The following NRXN1 variants were observed in gnomAD, a reference collection of about 807,000 sequenced individuals.
NRXN1 encodes the protein neurexin-1.
Under a neutral mutation model 150.9 loss-of-function variants are expected in NRXN1, and 39 were observed. The observed-to-expected ratio is 0.26, with a 90% CI of 0.20 to 0.34. The LOEUF (loss-of-function observed/expected upper bound fraction) is 0.34, where lower values mean the gene tolerates loss of function less well. NRXN1 is among the 10% of genes least tolerant of loss of function. The pLI is 1.00. For synonymous variants in NRXN1, 924 were observed against 757.0 expected (o/e 1.22, Z -3.62); for missense variants, 1,815 against 1,949.9 (o/e 0.93, Z 1.30).
At chr2:50,473,363 A>C (rs1395892531) in intron 15 of NRXN1, among the ~76,000 whole-genome samples, 3 of 151,970 alleles carry the variant, frequency 2.0e-5, no homozygotes, top group African/African-American at 4.8e-5. Flanking sequence ...TTACTTAAAA[A>C]AAAAAAGAGA....
chr2:49,925,594 ATAAT>A (rs1260304884), intron 22 of NRXN1, among the ~76,000 whole-genome samples: 7 of 152,202 alleles, frequency 4.6e-5, no homozygotes, highest in Non-Finnish European at 7.3e-5. Flanking sequence ...AAAGAGAAAC[ATAAT>A]TAATTTGTAT....
At chr2:50,028,351 A>G (rs1392571110) in intron 21 of NRXN1, among the ~76,000 whole-genome samples, 1 of 152,214 alleles carries the variant, frequency 6.6e-6, no homozygotes, top group Non-Finnish European at 1.5e-5. Flanking sequence ...ACATCAAGGC[A>G]TTTTAAAACA....
At chr2:50,052,743 T>G (rs1367616023) in intron 21 of NRXN1, among the ~76,000 whole-genome samples, 1 of 152,154 alleles carries the variant, frequency 6.6e-6, no homozygotes, top group African/African-American at 2.4e-5. Context: ...TGTTTTTTTA[T>G]TTTTAAATAA....
intron 9 of NRXN1, chr2:50,548,230 G>T (rs991793652): frequency 6.6e-6 from 1 of 152,100 alleles, no homozygotes; most frequent in Admixed American, 6.6e-5. Context: ...TCTGCAAAAT[G>T]ATATAGGGAC....
At chr2:50,445,657 C>G (rs1211147591) in intron 17 of NRXN1, among the ~76,000 whole-genome samples, 3 of 152,320 alleles carry the variant, frequency 2.0e-5, no homozygotes, top group Non-Finnish European at 1.5e-5. Flanking sequence ...TCCCTATACT[C>G]TGCACGAGGA....
At chr2:50,783,904 C>T (rs1704704182) in intron 5 of NRXN1, among the ~76,000 whole-genome samples, 2 of 152,068 alleles carry the variant, frequency 1.3e-5, no homozygotes, top group African/African-American at 4.8e-5. Context: ...ATTCCTGACC[C>T]TGCGCTTATA....
intron 17 of NRXN1, among the ~76,000 whole-genome samples, chr2:50,456,498 A>T (rs1243585418): frequency 6.6e-6 from 1 of 152,148 alleles, no homozygotes; most frequent in South Asian, 2.1e-4. Context: ...AAAGAATTCT[A>T]TACTTTTTAA....
At chr2:50,527,707 C>T (rs1018484481) in intron 12 of NRXN1, among the ~76,000 whole-genome samples, 1 of 152,100 alleles carries the variant, frequency 6.6e-6, no homozygotes, top group Non-Finnish European at 1.5e-5. Context: ...TGCCTTATTG[C>T]CACTTGAAAA....
chr2:50,027,391 T>TCCC (rs35465073), intron 21 of NRXN1, among the ~76,000 whole-genome samples: 1 of 140,994 alleles, frequency 7.1e-6, no homozygotes, highest in East Asian at 2.4e-4. Context: ...CCTCCCTCCC[T>TCCC]TCCTTCCTTC....
chr2:50,151,872 A>C (rs571451503), intron 18 of NRXN1, among the ~76,000 whole-genome samples: 2 of 151,968 alleles, frequency 1.3e-5, no homozygotes, highest in East Asian at 1.9e-4. Flanking sequence ...CAAATAAAGC[A>C]AACAAAAATA....
At chr2:51,006,539 G>T (rs1209970070) in intron 2 of NRXN1, among the ~76,000 whole-genome samples, 1 of 147,954 alleles carries the variant, frequency 6.8e-6, no homozygotes, top group Non-Finnish European at 1.5e-5. Flanking sequence ...AAAACTTAAA[G>T]TATAATAATA....
chr2:50,013,415 T>C (rs1686038709), intron 21 of NRXN1, among the ~76,000 whole-genome samples: 1 of 152,092 alleles, frequency 6.6e-6, no homozygotes, highest in Admixed American at 6.6e-5. Flanking sequence ...AGAATCTTAA[T>C]TGACCTCTTG....
intron 5 of NRXN1, among the ~76,000 whole-genome samples, chr2:50,727,566 T>C (rs1218154117): frequency 6.6e-6 from 1 of 152,154 alleles, no homozygotes; most frequent in Non-Finnish European, 1.5e-5. Flanking sequence ...AATCACTCTT[T>C]ATATTTTAAA....
intron 7 of NRXN1, among the ~76,000 whole-genome samples, chr2:50,620,787 G>A (rs1013615546): frequency 9.9e-5 from 15 of 152,046 alleles, no homozygotes; most frequent in Non-Finnish European, 1.6e-4. Context: ...AAAACAGGGA[G>A]AACCAAAGGA....
chr2:50,930,947 A>G (rs1277977275), intron 2 of NRXN1, among the ~76,000 whole-genome samples: 1 of 152,170 alleles, frequency 6.6e-6, no homozygotes, highest in African/African-American at 2.4e-5. Flanking sequence ...ATACAGAGCA[A>G]GAAAGCTCTT....
intron 5 of NRXN1, among the ~76,000 whole-genome samples, chr2:50,828,952 T>C (rs1479223467): frequency 6.6e-6 from 1 of 152,100 alleles, no homozygotes; most frequent in Non-Finnish European, 1.5e-5. Flanking sequence ...GAGCACTGAG[T>C]GAACCAGACA....
Position 50,184,165 on chromosome 2 carries a change from T to C in NRXN1, c.3546+52624A>G, listed in dbSNP as rs1400350519. Among the ~76,000 whole-genome samples, 5 of 152,256 alleles carry C rather than the reference T, an allele frequency of 3.3e-5. No individual in the cohort carries two copies. In the East Asian group the frequency reaches 9.6e-4, roughly 29 times the overall value. On this transcript the variant is annotated intron_variant, in intron 18 of 22. Transcript: ENST00000401669. ...ATTCATATTAAACAAAAAACTTGAA[T>C]ATTGTTTTAGTCCTACCTTTTACCC...
intron 17 of NRXN1, among the ~76,000 whole-genome samples, chr2:50,332,124 G>A (rs532199789): frequency 6.6e-6 from 1 of 152,244 alleles, no homozygotes; most frequent in African/African-American, 2.4e-5. Flanking sequence ...GAAATGAATT[G>A]TAAATGGTGA....
rs114198519 is a variant in NRXN1 at position 50,736,543 on chromosome 2, T to C, written c.833-112928A>G. Reference sequence around the variant, plus strand: ...GTTATAGGGCGGACCTGGTGAGAGATAATTGAATCACGAGGGCGGTTTCCA... The same window carrying C: ...GTTATAGGGCGGACCTGGTGAGAGACAATTGAATCACGAGGGCGGTTTCCA... On this transcript the variant is annotated intron_variant, in intron 5 of 22. Transcript: ENST00000401669. Among the ~76,000 whole-genome samples, 802 of 152,286 alleles carry C rather than the reference T, an allele frequency of 5.3e-3. 7 individuals are homozygous for C. The highest frequency in any genetic ancestry group is 0.019 in the African/African-American group (782 of 41,566).
Sources: allele counts gnomAD v4.1 joint callset (sites outside exome capture counted in the v4.1 genomes callset), GRCh38; gene constraint gnomAD v4.1.1; transcripts MANE v1.5; gene names NCBI Gene and HGNC (gene_info 2026-07-23, HGNC 2026-07-21).